The following COTL1 variants were observed in gnomAD, a reference collection of about 807,000 sequenced individuals.
COTL1 encodes the protein coactosin-like protein.
Under a neutral mutation model 16.5 loss-of-function variants are expected in COTL1, and 15 were observed. The ratio of observed to expected loss-of-function variants is 0.91; its 90% CI spans 0.61 to 1.40. The LOEUF (loss-of-function observed/expected upper bound fraction) is 1.40, where lower values mean the gene tolerates loss of function less well. Ranked by LOEUF, COTL1 falls within the 40% of genes most tolerant of loss-of-function variation. COTL1 has a pLI of 0.00. For missense variants in COTL1, 220 were observed against 201.5 expected (o/e 1.09, Z -0.56); for synonymous variants, 112 against 85.3 (o/e 1.31, Z -1.73).
intron 3 of COTL1, among the ~76,000 whole-genome samples, chr16:84,589,010 G>A (rs1268396440): frequency 6.6e-6 from 1 of 151,810 alleles, no homozygotes; most frequent in Non-Finnish European, 1.5e-5. Context: ...TCGCTCTGTT[G>A]CCCAGGCTGG....
chr16:84,607,703 G>A (rs1447569535), intron 2 of COTL1, among the ~76,000 whole-genome samples: 1 of 152,108 alleles, frequency 6.6e-6, no homozygotes, highest in Non-Finnish European at 1.5e-5. Context: ...TGGAGAAAAG[G>A]TGTTGGAAGT....
rs780723572 is a variant in COTL1, at chr16:84,617,526, G to C, written c.135C>G (p.Tyr45Ter). 1.9e-6 allele frequency: 3 copies of C among 1,556,380 alleles called. No homozygotes were observed. The highest frequency in any genetic ancestry group is 2.6e-6 in the Non-Finnish European group (3 of 1,149,556). The change falls in exon 2 of 4, where the codon TAC (tyrosine) becomes TAG (stop). Residue 45 changes from tyrosine (Y) to a stop codon, truncating the protein, a stop_gained. Coordinates refer to ENST00000262428, the MANE Select transcript of COTL1 (RefSeq NM_021149.5). LOFTEE classifies it high-confidence loss of function. The stretch of plus-strand genomic sequence containing the variant: ...CTGTGCACTGCTGGATGAAGTGCTG[G>C]TACTCCGCTCCCTGCTCGCCGGGGA... ...TIVPGEQGAE[Y>*]QHFIQQCTDD...
chr16:84,581,438 C>A (rs142371500), intron 3 of COTL1, among the ~76,000 whole-genome samples: 106 of 152,282 alleles, frequency 7.0e-4, no homozygotes, highest in African/African-American at 1.6e-3. Flanking sequence ...TCGTAAATCT[C>A]ATCCCATGGA....
chr16:84,614,989 A>C (rs1396243833), intron 2 of COTL1, among the ~76,000 whole-genome samples: 1 of 152,196 alleles, frequency 6.6e-6, no homozygotes, highest in Non-Finnish European at 1.5e-5. Flanking sequence ...CATCTGTAGA[A>C]TAGGAGTAAC....
intron 3 of COTL1, chr16:84,567,159 C>A: frequency 1.9e-6 from 1 of 528,868 alleles, no homozygotes; most frequent in Non-Finnish European, 3.5e-6. Flanking sequence ...GCAGAAAAAA[C>A]CTGACTGGGA....
At chr16:84,605,950 T>G (rs1905203301) in intron 2 of COTL1, among the ~76,000 whole-genome samples, 1 of 152,230 alleles carries the variant, frequency 6.6e-6, no homozygotes, top group South Asian at 2.1e-4. Context: ...ACTTATTTAT[T>G]TATTGCTCGC....
intron 2 of COTL1, among the ~76,000 whole-genome samples, chr16:84,615,760 C>T (rs890095556): frequency 2.0e-5 from 3 of 152,140 alleles, no homozygotes; most frequent in African/African-American, 7.2e-5. Flanking sequence ...CTCTCCACAT[C>T]GTTGCAGTGC....
intron 2 of COTL1, among the ~76,000 whole-genome samples, chr16:84,602,883 C>A (rs2326340): frequency 0.11 from 16,363 of 151,736 alleles, 1,070 homozygotes; most frequent in East Asian, 0.21. Context: ...AAAGGGAAGG[C>A]CAAAAAGGCA....
chr16:84,592,024 C>T (rs1904882245), intron 2 of COTL1, among the ~76,000 whole-genome samples: 1 of 152,132 alleles, frequency 6.6e-6, no homozygotes, highest in African/African-American at 2.4e-5. Context: ...TGGTAGGAAC[C>T]ATCCCGTAAA....
intron 3 of COTL1, among the ~76,000 whole-genome samples, chr16:84,572,768 C>T (rs1485608204): frequency 6.6e-6 from 1 of 150,392 alleles, no homozygotes. Flanking sequence ...TTTTCTTAGA[C>T]AGGTCTCACT....
intron 2 of COTL1, among the ~76,000 whole-genome samples, chr16:84,601,952 G>A (rs572244839): frequency 1.8e-4 from 28 of 152,274 alleles, no homozygotes; most frequent in African/African-American, 6.7e-4. Context: ...AAGGGCATAT[G>A]ATGCAGCTGA....
At chr16:84,605,047 C>G (rs543405345) in intron 2 of COTL1, among the ~76,000 whole-genome samples, 2 of 152,220 alleles carry the variant, frequency 1.3e-5, no homozygotes, top group African/African-American at 2.4e-5. Context: ...GCATTGCTCC[C>G]CAGACACACG....
At chr16:84,577,586 G>C (rs977396960) in intron 3 of COTL1, among the ~76,000 whole-genome samples, 1 of 152,184 alleles carries the variant, frequency 6.6e-6, no homozygotes, top group Admixed American at 6.5e-5. Context: ...TATAGATAAA[G>C]GGAAAAACTA....
intron 2 of COTL1, among the ~76,000 whole-genome samples, chr16:84,592,170 TC>T (rs1318310508): frequency 9.9e-5 from 15 of 152,250 alleles, no homozygotes; most frequent in African/African-American, 3.6e-4. Flanking sequence ...ACCGTTGGTG[TC>T]CCCATTTAAT....
At position 84,566,613 on chromosome 16, in the gene COTL1, A is replaced by G; in HGVS notation, c.*232T>C. Reference sequence around the variant, plus strand: ...CTTTAGAACAAAAAAGAGGGGGAGAAAAGAAAAAGAAGATCAAAGAAAGAG... The same window carrying G: ...CTTTAGAACAAAAAAGAGGGGGAGAGAAGAAAAAGAAGATCAAAGAAAGAG... On this transcript the variant is annotated 3_prime_UTR_variant, in exon 4 of 4. Transcript: ENST00000262428. The G allele has an allele frequency of 2.1e-6, 1 of 481,388 alleles. No individual in the cohort carries two copies. The highest frequency in any genetic ancestry group is 3.7e-6 in the Non-Finnish European group (1 of 270,778). 29.8% of individuals were successfully genotyped at this position (481,388 alleles called of 1,614,324 possible).
chr16:84,609,312 T>G (rs928936668), intron 2 of COTL1, among the ~76,000 whole-genome samples: 1 of 152,222 alleles, frequency 6.6e-6, no homozygotes, highest in African/African-American at 2.4e-5. Context: ...GAACCACCTC[T>G]CTGCCACTCT....
At chr16:84,603,769 G>C (rs80106083) in intron 2 of COTL1, among the ~76,000 whole-genome samples, 3,211 of 152,140 alleles carry the variant, frequency 0.021, 117 homozygotes, top group African/African-American at 0.074. Flanking sequence ...GGACCCAGAA[G>C]AAGTGGCAGA....
chr16:84,606,716 A>G (rs1487882935), intron 2 of COTL1, among the ~76,000 whole-genome samples: 1 of 152,144 alleles, frequency 6.6e-6, no homozygotes, highest in Non-Finnish European at 1.5e-5. Flanking sequence ...GAAACCCTAA[A>G]GCCCCTAAAG....
intron 2 of COTL1, among the ~76,000 whole-genome samples, chr16:84,605,073 TCAA>T (rs1905185406): frequency 6.6e-6 from 1 of 152,188 alleles, no homozygotes; most frequent in Non-Finnish European, 1.5e-5. Flanking sequence ...GCTTTCTGTG[TCAA>T]CAACAATGGC....
Sources: gnomAD v4.1 joint callset for allele counts (sites outside exome capture counted in the v4.1 genomes callset) on GRCh38, gnomAD v4.1.1 for gene constraint, MANE v1.5 for transcripts, NCBI Gene and HGNC (gene_info 2026-07-23, HGNC 2026-07-21) for gene names.